The following EGFR variants were observed in gnomAD, a reference collection of about 807,000 sequenced individuals.
EGFR encodes the protein avian erythroblastic leukemia viral (v-erb-b) oncogene homolog.
Under a neutral mutation model 143.0 loss-of-function variants are expected in EGFR, and 58 were observed. That is an observed-to-expected ratio of 0.41 (90% CI 0.33 to 0.50). The LOEUF (loss-of-function observed/expected upper bound fraction) is 0.50, where lower values mean the gene tolerates loss of function less well. Ranked by LOEUF, EGFR falls within the 20% of genes least tolerant of loss-of-function variation. EGFR has a pLI of 0.39. For missense variants in EGFR, 1,307 were observed against 1,579.0 expected (o/e 0.83, Z 2.92); for synonymous variants, 613 against 594.4 (o/e 1.03, Z -0.45).
intron 1 of EGFR, among the ~76,000 whole-genome samples, chr7:55,060,501 A>AT (rs1166971116): frequency 6.6e-6 from 1 of 152,080 alleles, no homozygotes; most frequent in Non-Finnish European, 1.5e-5. Flanking sequence ...TCTTAAGTTG[A>AT]TTTTTTCCTA....
intron 1 of EGFR, among the ~76,000 whole-genome samples, chr7:55,071,750 A>T (rs1351884664): frequency 6.6e-6 from 1 of 152,258 alleles, no homozygotes; most frequent in Non-Finnish European, 1.5e-5. Context: ...ATTAGTACAG[A>T]ATCACATGGT....
rs762218653 is a variant in EGFR, at chr7:55,201,350, T to A, written c.3109T>A (p.Ser1037Thr). 1.9e-6 allele frequency: 3 copies of A among 1,614,132 alleles called. No individual in the cohort carries two copies. Among genetic ancestry groups the A allele is most frequent in the South Asian group, 1.1e-5 (1 of 91,076 alleles). The change falls in exon 25 of 28, where the codon TCT becomes ACT. Residue 1037 changes from serine to threonine, a missense_variant. Coordinates refer to ENST00000275493, the MANE Select transcript of EGFR (RefSeq NM_005228.5). ...CACGTCACGGACTCCCCTCCTGAGC[T>A]CTCTGGTATGAAATCTCTGTCTCTC... ...PSTSRTPLLS[S>T]LSATSNNSTV...
intron 1 of EGFR, among the ~76,000 whole-genome samples, chr7:55,089,252 C>T (rs948819558): frequency 6.6e-6 from 1 of 152,146 alleles, no homozygotes; most frequent in Admixed American, 6.6e-5. Flanking sequence ...TTCTGTGAGG[C>T]TGTCACTAAA....
chr7:55,183,786 C>T (rs73344791), intron 20 of EGFR, among the ~76,000 whole-genome samples: 2,642 of 152,280 alleles, frequency 0.017, 69 homozygotes, highest in African/African-American at 0.056. Flanking sequence ...CTGTCCCAAC[C>T]GGGAGGTGAG....
chr7:55,196,746 T>C (rs1787636436), intron 22 of EGFR, among the ~76,000 whole-genome samples: 1 of 151,824 alleles, frequency 6.6e-6, no homozygotes. Context: ...GGCTAGCTAG[T>C]CATCATTTAT....
At position 55,154,500 on chromosome 7, in the gene EGFR, G is replaced by A. The variant is rs17289872; in HGVS notation, c.889+348G>A. ...TCAGTTGTCTGCTGGGCACAAAGCC[G>A]TGGGCATGCCACTGTTTAGTGCTTG... On this transcript the variant is annotated intron_variant, in intron 7 of 27. Coordinates refer to ENST00000275493, the MANE Select transcript of EGFR (RefSeq NM_005228.5). Among the ~76,000 whole-genome samples, 1,290 of 152,372 alleles carry A rather than the reference G, an allele frequency of 8.5e-3. 17 individuals are homozygous for A. Among genetic ancestry groups the A allele is most frequent in the African/African-American group, 0.03 (1,239 of 41,588 alleles).
intron 7 of EGFR, 39 bp from the exon 8 acceptor site, chr7:55,155,791 G>A (rs1460236052): frequency 6.4e-7 from 1 of 1,571,864 alleles, no homozygotes; most frequent in Non-Finnish European, 8.8e-7. Context: ...AGCACCTGGT[G>A]CCACCGTCAT....
intron 17 of EGFR, among the ~76,000 whole-genome samples, chr7:55,173,371 C>T (rs1786446325): frequency 6.6e-6 from 1 of 152,206 alleles, no homozygotes; most frequent in African/African-American, 2.4e-5. Flanking sequence ...TGCTTAGGAC[C>T]CGGTGCCTGT....
At chr7:55,163,501 G>C (rs1014149714) in intron 13 of EGFR, among the ~76,000 whole-genome samples, 1 of 152,154 alleles carries the variant, frequency 6.6e-6, no homozygotes, top group Non-Finnish European at 1.5e-5. Context: ...AAACTATGCT[G>C]TAGAAAAAGC....
At chr7:55,174,661 G>A (rs1786510180) in intron 18 of EGFR, 61 bp from the exon 19 acceptor site, 2 of 1,371,918 alleles carry the variant, frequency 1.5e-6, no homozygotes, top group Non-Finnish European at 2.1e-6. Flanking sequence ...CAGATCACTG[G>A]GCAGCATGTG....
chr7:55,111,144 G>A (rs1792461592), intron 1 of EGFR, among the ~76,000 whole-genome samples: 1 of 152,180 alleles, frequency 6.6e-6, no homozygotes, highest in Admixed American at 6.6e-5. Context: ...GCTGGGTTCG[G>A]GTATCGCGCG....
At chr7:55,128,262 T>C (rs1361697346) in intron 1 of EGFR, among the ~76,000 whole-genome samples, 1 of 152,250 alleles carries the variant, frequency 6.6e-6, no homozygotes, top group Non-Finnish European at 1.5e-5. Context: ...TGCGGTTCAT[T>C]TCTAATTGTC....
intron 14 of EGFR, among the ~76,000 whole-genome samples, chr7:55,164,102 T>C (rs1785847251): frequency 6.6e-6 from 1 of 152,234 alleles, no homozygotes; most frequent in Non-Finnish European, 1.5e-5. Context: ...TTTCACCTGG[T>C]TTCCCCCATC....
At chr7:55,034,382 C>T (rs1439640112) in intron 1 of EGFR, among the ~76,000 whole-genome samples, 1 of 152,082 alleles carries the variant, frequency 6.6e-6, no homozygotes, top group African/African-American at 2.4e-5. Flanking sequence ...TACAGGTGCC[C>T]GCCACCACAC....
intron 1 of EGFR, among the ~76,000 whole-genome samples, chr7:55,052,873 C>T (rs1788571853): frequency 1.3e-5 from 2 of 152,148 alleles, no homozygotes; most frequent in African/African-American, 4.8e-5. Context: ...GGAGCTCGCA[C>T]AGCTCTTGAC....
intron 22 of EGFR, among the ~76,000 whole-genome samples, chr7:55,196,883 C>A (rs888879113): frequency 6.6e-6 from 1 of 151,530 alleles, no homozygotes; most frequent in Admixed American, 6.6e-5. Context: ...ATGTCTGTTT[C>A]TGTACTAGTA....
At chr7:55,115,542 C>A (rs1374270759) in intron 1 of EGFR, among the ~76,000 whole-genome samples, 1 of 152,112 alleles carries the variant, frequency 6.6e-6, no homozygotes. Context: ...ATTTTATAAT[C>A]AATGGCAGTA....
At chr7:55,064,089 CT>C (rs1196778310) in intron 1 of EGFR, among the ~76,000 whole-genome samples, 1 of 152,110 alleles carries the variant, frequency 6.6e-6, no homozygotes, top group Non-Finnish European at 1.5e-5. Flanking sequence ...AAGAGAACCT[CT>C]ATTTTTGATA....
chr7:55,086,132 C>T (rs1055122265), intron 1 of EGFR, among the ~76,000 whole-genome samples: 4 of 152,186 alleles, frequency 2.6e-5, no homozygotes, highest in African/African-American at 7.2e-5. Flanking sequence ...CAGTGCCTCA[C>T]AATTTCTCTG....
Sources: allele counts gnomAD v4.1 joint callset (sites outside exome capture counted in the v4.1 genomes callset), GRCh38; gene constraint gnomAD v4.1.1; transcripts MANE v1.5; gene names NCBI Gene and HGNC (gene_info 2026-07-23, HGNC 2026-07-21).